Variants in BRI3BP observed in about 807,000 individuals in gnomAD.
BRI3BP encodes the protein BRI3-binding protein.
In BRI3BP, 7 loss-of-function variants were observed where a neutral mutation model predicts 15.8. That is an observed-to-expected ratio of 0.44 (90% CI 0.25 to 0.83). The LOEUF (loss-of-function observed/expected upper bound fraction) is 0.83, where lower values mean the gene tolerates loss of function less well. Among genes scored for constraint, BRI3BP ranks in the 40% least tolerant of loss-of-function variants. The pLI is 0.20. For missense variants in BRI3BP, 320 were observed against 339.3 expected (o/e 0.94, Z 0.45); for synonymous variants, 192 against 163.5 (o/e 1.17, Z -1.33).
In BRI3BP at chr12:124,997,214, C is replaced by CTTTT. The variant is rs1229802280; in HGVS notation, c.213+3227_213+3230dup. Among the ~76,000 whole-genome samples the CTTTT allele has an allele frequency of 2.1e-3, 109 of 51,534 alleles. 24 individuals carry two copies. The highest frequency in any genetic ancestry group is 0.02 in the East Asian group (23 of 1,146). 33.8% of individuals were successfully genotyped at this position (51,534 alleles called of 152,430 possible). On this transcript the variant is annotated intron_variant, in intron 1 of 2. Coordinates refer to ENST00000341446, the MANE Select transcript of BRI3BP (RefSeq NM_080626.6). ...TCTCTTTTTTTTTTGCTTTACTTCT[C>CTTTT]TTTTTTTTTTTTTTTTTTTGAGATG...
chr12:125,021,761 CG>C (rs1455402157), intron 2 of BRI3BP, among the ~76,000 whole-genome samples: 1 of 152,096 alleles, frequency 6.6e-6, no homozygotes, highest in Non-Finnish European at 1.5e-5. Context: ...CATCAGATCT[CG>C]TGAGACTCAC....
chr12:124,995,020 A>C (rs942988512), intron 1 of BRI3BP, among the ~76,000 whole-genome samples: 1 of 152,222 alleles, frequency 6.6e-6, no homozygotes, highest in Non-Finnish European at 1.5e-5. Flanking sequence ...GCCCAGAATC[A>C]TGGCTAAAAA....
downstream of BRI3BP, among the ~76,000 whole-genome samples, chr12:125,032,502 G>A (rs1051938362): frequency 6.6e-6 from 1 of 151,776 alleles, no homozygotes; most frequent in African/African-American, 2.4e-5. Context: ...GGGTGCAGTG[G>A]CTCACGCCTG....
At chr12:125,003,993 ACACACACAC>A (rs756192477) in intron 1 of BRI3BP, among the ~76,000 whole-genome samples, 5,491 of 86,802 alleles carry the variant, frequency 0.063, 321 homozygotes, top group African/African-American at 0.22. Context: ...ACACACACAC[ACACACACAC>A]AACACACAAT....
intron 1 of BRI3BP, 78 bp from the exon 2 acceptor site, chr12:125,012,456 T>G: frequency 3.3e-6 from 4 of 1,218,806 alleles, no homozygotes; most frequent in Non-Finnish European, 4.8e-6. Context: ...AGGTATAAAC[T>G]CCCAAGCTCC....
At position 125,012,640 on chromosome 12, in the gene BRI3BP, G is replaced by A. The variant is rs753329410; in HGVS notation, c.316+4G>A. The A allele has an allele frequency of 1.3e-6, 2 of 1,585,198 alleles. No homozygotes were observed. Among genetic ancestry groups the A allele is most frequent in the South Asian group, 2.2e-5 (2 of 90,436 alleles). The stretch of plus-strand genomic sequence containing the variant: ...TTGGATGTTCTTGGACTTGACGGTA[G>A]GTGTAGGGGTGGCATTCACGTAAGG... On this transcript the variant is annotated splice_donor_region_variant and intron_variant, in intron 2 of 2. Transcript: ENST00000341446.
intron 1 of BRI3BP, among the ~76,000 whole-genome samples, chr12:125,011,346 G>C (rs1955195253): frequency 6.6e-6 from 1 of 152,290 alleles, no homozygotes; most frequent in East Asian, 1.9e-4. Context: ...TGGGCCAGTA[G>C]ACCACTTGGT....
At chr12:125,039,924 G>C in the BRI3BP span, among the ~76,000 whole-genome samples, 1 of 152,190 alleles carries the variant, frequency 6.6e-6, no homozygotes, top group East Asian at 1.9e-4. Context: ...GCGGAGATGA[G>C]GGTCCAGCTG....
chr12:125,019,819 T>C (rs1226428799), intron 2 of BRI3BP, among the ~76,000 whole-genome samples: 2 of 152,006 alleles, frequency 1.3e-5, no homozygotes, highest in Admixed American at 6.6e-5. Context: ...GCACTGCCAC[T>C]GTTCTCAGAG....
the BRI3BP span, among the ~76,000 whole-genome samples, chr12:125,037,309 T>G: frequency 6.6e-6 from 1 of 152,108 alleles, no homozygotes; most frequent in Non-Finnish European, 1.5e-5. Flanking sequence ...CCACCTGCCT[T>G]GGCCTCCCAC....
At position 125,012,529 on chromosome 12, in the gene BRI3BP, T is replaced by C; in HGVS notation, c.214-5T>C. 1.9e-6 allele frequency: 3 copies of C among 1,594,444 alleles called. No individual in the cohort carries two copies. Among genetic ancestry groups the C allele is most frequent in the Non-Finnish European group, 2.6e-6 (3 of 1,162,212 alleles). ...TGGGTGATGACCGTTTTCTTGTTTC[T>C]GCAGTTCTTGGCCAGGCTGACTGAG... is the stretch of plus-strand genomic sequence containing the variant. On this transcript the variant is annotated splice_region_variant and splice_polypyrimidine_tract_variant and intron_variant, in intron 1 of 2. Coordinates refer to ENST00000341446, the MANE Select transcript of BRI3BP (RefSeq NM_080626.6).
At chr12:125,032,490 C>A (rs564977260), downstream of BRI3BP, among the ~76,000 whole-genome samples, 27 of 151,626 alleles carry the variant, frequency 1.8e-4, no homozygotes, top group Non-Finnish European at 3.7e-4. Flanking sequence ...TATTTTGTGG[C>A]CGGGTGCAGT....
chr12:125,021,584 A>G (rs927639765), intron 2 of BRI3BP, among the ~76,000 whole-genome samples: 1 of 152,198 alleles, frequency 6.6e-6, no homozygotes, highest in African/African-American at 2.4e-5. Flanking sequence ...GAGGCTGTGT[A>G]ATTTATAAAT....
intron 1 of BRI3BP, among the ~76,000 whole-genome samples, chr12:124,995,593 C>T (rs1223433779): frequency 6.6e-6 from 1 of 152,180 alleles, no homozygotes; most frequent in Non-Finnish European, 1.5e-5. Context: ...CAGAGCTCTT[C>T]CTGGGCTAAA....
chr12:125,027,043 C>T lies in BRI3BP; in HGVS notation c.*1613C>T, dbSNP rs891026542. ...GGCCCTTACCTGGCCACAGATGTAC[C>T]CTGGCAACCCGCTCACAGTGCCCTG... is the stretch of plus-strand genomic sequence containing the variant. On this transcript the variant is annotated 3_prime_UTR_variant, in exon 3 of 3. Coordinates refer to ENST00000341446, the MANE Select transcript of BRI3BP (RefSeq NM_080626.6). 6 of 152,028 alleles carry T rather than the reference C, an allele frequency of 3.9e-5. No individual in the cohort carries two copies. The highest frequency in any genetic ancestry group is 3.9e-4 in the Admixed American group (6 of 15,260). The allele number at this position is 152,028 out of a possible 1,614,324, so 9.4% of individuals were successfully genotyped here.
At chr12:125,017,955 A>G (rs1955261669) in intron 2 of BRI3BP, among the ~76,000 whole-genome samples, 2 of 152,036 alleles carry the variant, frequency 1.3e-5, no homozygotes, top group African/African-American at 4.8e-5. Flanking sequence ...AATGCTGTTT[A>G]CCCTATCAGC....
chr12:125,034,870 G>T (rs1955432335), downstream of BRI3BP, among the ~76,000 whole-genome samples: 1 of 152,144 alleles, frequency 6.6e-6, no homozygotes, highest in African/African-American at 2.4e-5. Context: ...TTACAGGCGT[G>T]AACCACCGCG....
At chr12:125,000,983 G>A (rs1164009861) in intron 1 of BRI3BP, among the ~76,000 whole-genome samples, 12 of 152,186 alleles carry the variant, frequency 7.9e-5, no homozygotes, top group Admixed American at 7.9e-4. Flanking sequence ...CATGCATTTA[G>A]TGTTCATGTC....
intron 1 of BRI3BP, among the ~76,000 whole-genome samples, chr12:125,008,395 C>T (rs1955167112): frequency 6.7e-6 from 1 of 149,300 alleles, no homozygotes; most frequent in Admixed American, 6.8e-5. Flanking sequence ...TCACTGCAAG[C>T]TCCGCCTCCC....
Sources: gnomAD v4.1 joint callset for allele counts (sites outside exome capture counted in the v4.1 genomes callset) on GRCh38, gnomAD v4.1.1 for gene constraint, MANE v1.5 for transcripts, NCBI Gene and HGNC (gene_info 2026-07-23, HGNC 2026-07-21) for gene names.